TPD52L1: variants seen among roughly 807,000 people sequenced by gnomAD.
TPD52L1 encodes tumor protein D53.
A neutral mutation model predicts 28.7 loss-of-function variants in TPD52L1; 18 were observed. The ratio of observed to expected loss-of-function variants is 0.63; its 90% CI spans 0.43 to 0.93. The LOEUF (loss-of-function observed/expected upper bound fraction) is 0.93, where lower values mean the gene tolerates loss of function less well. Ranked by LOEUF, TPD52L1 falls within the 40% of genes least tolerant of loss-of-function variation. The pLI is 0.00. For missense variants in TPD52L1, 203 were observed against 254.8 expected, an observed-to-expected ratio of 0.80 and a Z score of 1.39; for synonymous variants, 75 against 88.8, an observed-to-expected ratio of 0.84 and a Z score of 0.88.
intron 3 of TPD52L1, among the ~76,000 whole-genome samples, chr6:125,243,994 T>A (rs1014940775): frequency 1.7e-4 from 26 of 152,246 alleles, no homozygotes; most frequent in African/African-American, 6.3e-4. Flanking sequence ...ATTTATTCCC[T>A]CTTAAGGATT....
At chr6:125,199,991 C>T (rs1367785123) in intron 1 of TPD52L1, among the ~76,000 whole-genome samples, 2 of 152,202 alleles carry the variant, frequency 1.3e-5, no homozygotes, top group Non-Finnish European at 2.9e-5. Flanking sequence ...GTCATTGCTA[C>T]CTTTCACAGG....
chr6:125,256,164 A>G (rs1025983123), intron 5 of TPD52L1, among the ~76,000 whole-genome samples: 2 of 152,170 alleles, frequency 1.3e-5, no homozygotes, highest in African/African-American at 4.8e-5. Flanking sequence ...CCTGGCCAAC[A>G]TGGTGAAACC....
At position 125,229,280 on chromosome 6, in the gene TPD52L1, G is replaced by T; in HGVS notation, c.284+14G>T. ...GACTACCACTGCGTAAGTATCATAT[G>T]AACAGTGTTTTATTAACTCAGCCTG... On this transcript the variant is annotated intron_variant, in intron 3 of 6. Coordinates refer to ENST00000534000, the MANE Select transcript of TPD52L1 (RefSeq NM_003287.4). 2 of 1,597,466 alleles carry T rather than the reference G, an allele frequency of 1.3e-6. No individual in the cohort carries two copies. Among genetic ancestry groups the T allele is most frequent in the South Asian group, 2.3e-5 (2 of 88,178 alleles).
intron 1 of TPD52L1, among the ~76,000 whole-genome samples, chr6:125,166,719 CT>C: frequency 6.7e-6 from 1 of 148,640 alleles, no homozygotes; most frequent in Middle Eastern, 3.5e-3. Context: ...TATCATTTTA[CT>C]ACAGGAAAGG....
At chr6:125,241,644 A>G (rs1346712887) in intron 3 of TPD52L1, among the ~76,000 whole-genome samples, 1 of 151,680 alleles carries the variant, frequency 6.6e-6, no homozygotes, top group Non-Finnish European at 1.5e-5. Context: ...GAATGTTTGT[A>G]TTTCTGTGGT....
At chr6:125,212,421 C>A (rs1289535080) in intron 1 of TPD52L1, among the ~76,000 whole-genome samples, 1 of 152,178 alleles carries the variant, frequency 6.6e-6, no homozygotes, top group Non-Finnish European at 1.5e-5. Flanking sequence ...GATCCAAAAT[C>A]ATAGTTTGTA....
At chr6:125,197,947 C>T (rs1043366508) in intron 1 of TPD52L1, among the ~76,000 whole-genome samples, 3 of 152,160 alleles carry the variant, frequency 2.0e-5, no homozygotes, top group African/African-American at 4.8e-5. Context: ...GCCAAGGGAT[C>T]GGTTAGCCCT....
chr6:125,241,025 T>G (rs1239466707), intron 3 of TPD52L1, among the ~76,000 whole-genome samples: 1 of 152,146 alleles, frequency 6.6e-6, no homozygotes, highest in Non-Finnish European at 1.5e-5. Context: ...GCAGAGATCT[T>G]TAATCATAAA....
intron 1 of TPD52L1, among the ~76,000 whole-genome samples, chr6:125,156,235 A>G (rs1420637013): frequency 6.6e-6 from 1 of 152,128 alleles, no homozygotes; most frequent in Non-Finnish European, 1.5e-5. Context: ...AGGCCAAGGT[A>G]GGAGGATCAC....
At chr6:125,227,290 C>T (rs955573474) in intron 2 of TPD52L1, among the ~76,000 whole-genome samples, 27 of 152,186 alleles carry the variant, frequency 1.8e-4, no homozygotes, top group African/African-American at 6.0e-4. Context: ...TATAAAGGTT[C>T]GCAAAACCAT....
At chr6:125,251,825 C>T (rs2115045406) in intron 4 of TPD52L1, among the ~76,000 whole-genome samples, 2 of 152,318 alleles carry the variant, frequency 1.3e-5, no homozygotes, top group South Asian at 4.1e-4. Flanking sequence ...ATAGGAATAA[C>T]AGAAGCAAAA....
At chr6:125,182,919 C>G (rs183713184) in intron 1 of TPD52L1, among the ~76,000 whole-genome samples, 1 of 152,062 alleles carries the variant, frequency 6.6e-6, no homozygotes, top group South Asian at 2.1e-4. Flanking sequence ...GTGGGGATTA[C>G]GAATGCAAGG....
intron 1 of TPD52L1, among the ~76,000 whole-genome samples, chr6:125,191,860 G>A (rs1264976209): frequency 6.6e-6 from 1 of 152,070 alleles, no homozygotes; most frequent in Admixed American, 6.6e-5. Context: ...TTTTAACAAG[G>A]TAAGTTCAAG....
chr6:125,240,263 C>T (rs1796541604), intron 3 of TPD52L1, among the ~76,000 whole-genome samples: 1 of 152,076 alleles, frequency 6.6e-6, no homozygotes, highest in South Asian at 2.1e-4. Flanking sequence ...AATGTGATAC[C>T]TCCAGATTTG....
rs1022974602 is a variant in TPD52L1 at position 125,248,303 on chromosome 6, C to T, written c.306C>T (p.Thr102=). ...TTTAYKKTHE[T]LSHAGQKATA... Reference sequence around the variant, plus strand: ...CTAGCTACAAGAAAACACATGAAACCCTGAGTCACGCAGGGCAAAAGGCAA... The same window carrying T: ...CTAGCTACAAGAAAACACATGAAACTCTGAGTCACGCAGGGCAAAAGGCAA... Residue 102 remains threonine (T), a synonymous_variant, in exon 4 of 7, where the codon ACC becomes ACT. Transcript: ENST00000534000. 1.2e-6 allele frequency: 2 copies of T among 1,613,856 alleles called. No individual in the cohort carries two copies. Among genetic ancestry groups the T allele is most frequent in the Non-Finnish European group, 1.7e-6 (2 of 1,179,970 alleles).
intron 1 of TPD52L1, among the ~76,000 whole-genome samples, chr6:125,166,682 C>G (rs1429244928): frequency 6.6e-6 from 1 of 151,136 alleles, no homozygotes; most frequent in Non-Finnish European, 1.5e-5. Context: ...ATGAATACCC[C>G]AAGGAGTGAT....
At chr6:125,175,199 A>G (rs77354983) in intron 1 of TPD52L1, among the ~76,000 whole-genome samples, 137 of 152,250 alleles carry the variant, frequency 9.0e-4, no homozygotes, top group African/African-American at 3.0e-3. Context: ...ATCTAAAACA[A>G]TGACTGTTCA....
chr6:125,156,483 GA>G (rs1790141815), intron 1 of TPD52L1, among the ~76,000 whole-genome samples: 1 of 133,202 alleles, frequency 7.5e-6, no homozygotes, highest in Admixed American at 7.7e-5. Context: ...AAAAAAAAGA[GA>G]GAGATACAAA....
chr6:125,193,251 G>T (rs1793179800), intron 1 of TPD52L1, among the ~76,000 whole-genome samples: 1 of 152,082 alleles, frequency 6.6e-6, no homozygotes, highest in Admixed American at 6.6e-5. Flanking sequence ...TCCCTGGTGG[G>T]GTATAGCAGA....
Sources: allele counts gnomAD v4.1 joint callset (sites outside exome capture counted in the v4.1 genomes callset), GRCh38; gene constraint gnomAD v4.1.1; transcripts MANE v1.5; gene names NCBI Gene and HGNC (gene_info 2026-07-23, HGNC 2026-07-21).